Variants in HECTD2 observed in about 807,000 individuals in gnomAD.
HECTD2 encodes the protein HECT domain E3 ubiquitin protein ligase 2.
A neutral mutation model predicts 103.2 loss-of-function variants in HECTD2; 35 were observed. The ratio of observed to expected loss-of-function variants is 0.34; its 90% CI spans 0.26 to 0.45. The LOEUF (loss-of-function observed/expected upper bound fraction) is 0.45. Ranked by LOEUF, HECTD2 falls within the 20% of genes least tolerant of loss-of-function variation. The pLI is 1.00. For missense variants in HECTD2, 596 were observed against 937.4 expected (o/e 0.64, Z 4.76); for synonymous variants, 281 against 329.9 (o/e 0.85, Z 1.61).
rs79110488 is a variant in HECTD2, at chr10:91,460,143, A to G, written c.269-284A>G. On this transcript the variant is annotated intron_variant, in intron 2 of 20. Coordinates refer to ENST00000298068, the MANE Select transcript of HECTD2 (RefSeq NM_182765.6). ...AGAGGGGAGAGGAAAGAAATGCTAA[A>G]TTACATTAACAAACAATTTTGAGGG... Among the ~76,000 whole-genome samples, 303 of 152,232 alleles carry G rather than the reference A, an allele frequency of 2.0e-3. 1 individual carries two copies. The highest frequency in any genetic ancestry group is 7.1e-3 in the African/African-American group (293 of 41,556).
Position 91,425,269 on chromosome 10 carries a change from T to C in HECTD2, c.139-12T>C. 1 of 1,465,696 alleles carries C rather than the reference T, an allele frequency of 6.8e-7. No homozygotes were observed. Among genetic ancestry groups the C allele is most frequent in the Non-Finnish European group, 9.1e-7 (1 of 1,099,404 alleles). The allele number at this position is 1,465,696 out of a possible 1,614,324, so 90.8% of individuals were successfully genotyped here. The stretch of plus-strand genomic sequence containing the variant: ...AGGAAGTATACTGCAATGTTAACTT[T>C]TCTGTTTTCAGGGTTTGGACAGAGG... On this transcript the variant is annotated splice_polypyrimidine_tract_variant and intron_variant, in intron 1 of 20. Coordinates refer to ENST00000298068, the MANE Select transcript of HECTD2 (RefSeq NM_182765.6).
At chr10:91,472,433 G>A (rs1845760711) in intron 5 of HECTD2, among the ~76,000 whole-genome samples, 1 of 152,100 alleles carries the variant, frequency 6.6e-6, no homozygotes, top group African/African-American at 2.4e-5. Context: ...AAGCAATTGC[G>A]ACAAAAACAA....
In HECTD2 at chr10:91,514,632, A is replaced by ATCTT. The variant is rs1243653782; in HGVS notation, c.*2250_*2253dup. On this transcript the variant is annotated 3_prime_UTR_variant, in exon 21 of 21. Coordinates refer to ENST00000298068, the MANE Select transcript of HECTD2 (RefSeq NM_182765.6). The stretch of plus-strand genomic sequence containing the variant: ...TTTAAACATCCTGTCCTTTTTTAAA[A>ATCTT]TCTTTGCTTAGTCAGTCATATTTTT... The ATCTT allele has an allele frequency of 2.0e-5, 3 of 152,572 alleles. No homozygotes were observed. Among genetic ancestry groups the ATCTT allele is most frequent in the East Asian group, 1.9e-4 (1 of 5,198 alleles). The allele number at this position is 152,572 out of a possible 1,614,324, so 9.5% of individuals were successfully genotyped here.
chr10:91,425,328 T>C lies in HECTD2; in HGVS notation c.186T>C (p.Phe62=). The change falls in exon 2 of 21, where the codon TTT becomes TTC. Residue 62 remains phenylalanine, a synonymous_variant. Coordinates refer to ENST00000298068, the MANE Select transcript of HECTD2 (RefSeq NM_182765.6). ...AKGQISTFSS[F]ISAVSPKKEA... is the part of the protein sequence containing the mutation. ...GCCAAATTTCCACTTTCAGCAGTTT[T>C]ATTTCAGCTGTTAGCCCGAAGAAAG... 6.5e-7 allele frequency: 1 copy of C among 1,544,158 alleles called. No individual in the cohort carries two copies.
chr10:91,440,057 A>G (rs1036169900), intron 2 of HECTD2, among the ~76,000 whole-genome samples: 2 of 152,008 alleles, frequency 1.3e-5, no homozygotes, highest in Non-Finnish European at 2.9e-5. Flanking sequence ...CTCTCTTCCT[A>G]TTTAAATGCC....
At chr10:91,458,780 T>C (rs115387354) in intron 2 of HECTD2, among the ~76,000 whole-genome samples, 2,235 of 151,964 alleles carry the variant, frequency 0.015, 50 homozygotes, top group African/African-American at 0.051. Context: ...TATTGGACTT[T>C]TAGAAAAAAA....
chr10:91,454,972 A>T (rs1454361086), intron 2 of HECTD2, among the ~76,000 whole-genome samples: 2 of 152,048 alleles, frequency 1.3e-5, no homozygotes, highest in African/African-American at 2.4e-5. Flanking sequence ...TCTATCATTG[A>T]TGGACATTTG....
At position 91,460,425 on chromosome 10, in the gene HECTD2, A is replaced by G; in HGVS notation, c.269-2A>G. ...TTTTGAATGTGTTTTTATACTTCAC[A>G]GTGAGAGAACCACCACCAATTTGCC... On this transcript the variant is annotated splice_acceptor_variant, in intron 2 of 20. Transcript: ENST00000298068. LOFTEE classifies it high-confidence loss of function. The G allele has an allele frequency of 1.9e-6, 3 of 1,593,482 alleles. No individual in the cohort carries two copies. The highest frequency in any genetic ancestry group is 2.6e-6 in the Non-Finnish European group (3 of 1,171,680).
At chr10:91,413,960 TATTAA>T (rs748331581) in intron 1 of HECTD2, among the ~76,000 whole-genome samples, 6 of 152,188 alleles carry the variant, frequency 3.9e-5, no homozygotes, top group Non-Finnish European at 8.8e-5. Flanking sequence ...ATGATGTGAA[TATTAA>T]ATTTACTGAG....
intron 2 of HECTD2, among the ~76,000 whole-genome samples, chr10:91,426,233 C>CT (rs1369321298): frequency 1.3e-5 from 2 of 151,908 alleles, no homozygotes; most frequent in Non-Finnish European, 2.9e-5. Context: ...TTATGTAACT[C>CT]TATATTGTTT....
chr10:91,410,330 A>C, upstream of HECTD2: 1 of 537,710 alleles, frequency 1.9e-6, no homozygotes, highest in Non-Finnish European at 2.5e-6. Context: ...AGCGGCGGCT[A>C]GAAGCGGCAG....
intron 5 of HECTD2, among the ~76,000 whole-genome samples, chr10:91,465,965 TTC>T (rs533797727): frequency 3.2e-4 from 48 of 152,284 alleles, no homozygotes; most frequent in African/African-American, 1.1e-3. Context: ...TTAGAAAGTA[TTC>T]TCTCTGCTTC....
intron 9 of HECTD2, among the ~76,000 whole-genome samples, 166 bp downstream of exon 9, chr10:91,484,821 A>G (rs1340166856): frequency 6.6e-6 from 1 of 152,068 alleles, no homozygotes; most frequent in African/African-American, 2.4e-5. Flanking sequence ...TTCATAATTT[A>G]TAAGCATGAA....
At chr10:91,422,830 A>C (rs750623138) in intron 1 of HECTD2, among the ~76,000 whole-genome samples, 1 of 152,200 alleles carries the variant, frequency 6.6e-6, no homozygotes, top group Non-Finnish European at 1.5e-5. Flanking sequence ...TTGTTGAATA[A>C]CTGTTAATTG....
rs766921253 is a variant in HECTD2, at chr10:91,414,064, T to C, written c.138+3488T>C. Among the ~76,000 whole-genome samples, 15 of 152,240 alleles carry C rather than the reference T, an allele frequency of 9.9e-5. No individual in the cohort carries two copies. In the East Asian group the frequency reaches 1.2e-3, roughly 12 times the overall value. ...TGGTGAATGAGAAAGAAGAAAATGC[T>C]TAGAGGTGGGGCAGAAATAACAGTG... On this transcript the variant is annotated intron_variant, in intron 1 of 20. Transcript: ENST00000298068.
At chr10:91,471,592 C>G (rs1287355853) in intron 5 of HECTD2, among the ~76,000 whole-genome samples, 1 of 152,162 alleles carries the variant, frequency 6.6e-6, no homozygotes, top group Non-Finnish European at 1.5e-5. Flanking sequence ...AGCTCCTAGA[C>G]ATGAAGAACA....
chr10:91,491,424 T>A, intron 12 of HECTD2, 117 bp downstream of exon 12: 5 of 534,278 alleles, frequency 9.4e-6, no homozygotes, highest in Non-Finnish European at 1.6e-5. Context: ...TTCCTTAAAT[T>A]CTTTTGAAGA....
intron 5 of HECTD2, chr10:91,462,459 T>A (rs1389569858): frequency 1.6e-6 from 2 of 1,221,846 alleles, no homozygotes; most frequent in African/African-American, 3.1e-5. Context: ...GTAAGTTATT[T>A]AATTATATTG....
chr10:91,410,226 T>C (rs1211954791), upstream of HECTD2: 1 of 151,324 alleles, frequency 6.6e-6, no homozygotes, highest in African/African-American at 2.4e-5. Flanking sequence ...GTGGGACCTG[T>C]GGGGAGCCGC....
Sources: allele counts gnomAD v4.1 joint callset (sites outside exome capture counted in the v4.1 genomes callset), GRCh38; gene constraint gnomAD v4.1.1; transcripts MANE v1.5; gene names NCBI Gene and HGNC (gene_info 2026-07-23, HGNC 2026-07-21).